Variants in GGA1 observed in about 807,000 individuals in gnomAD.
GGA1 encodes the protein ADP-ribosylation factor-binding protein GGA1.
GGA1 carries 18 observed loss-of-function variants against 76.9 expected under a neutral mutation model. That is an observed-to-expected ratio of 0.23 (90% CI 0.16 to 0.35). GGA1 has a LOEUF of 0.35. Ranked by LOEUF, GGA1 falls within the 10% of genes least tolerant of loss-of-function variation. The pLI, the probability that GGA1 is intolerant of heterozygous loss-of-function variation, is 1.00. For synonymous variants in GGA1, 342 were observed against 354.7 expected, an observed-to-expected ratio of 0.96 and a Z score of 0.40; for missense variants, 755 against 859.0, an observed-to-expected ratio of 0.88 and a Z score of 1.51.
At chr22:37,630,473 A>G (rs533601426) in intron 13 of GGA1, among the ~76,000 whole-genome samples, 1 of 152,304 alleles carries the variant, frequency 6.6e-6, no homozygotes, top group East Asian at 1.9e-4. Flanking sequence ...GAGGGAGAAC[A>G]CGAGCTGCTC....
chr22:37,625,924 G>A lies in GGA1; in HGVS notation c.1068G>A (p.Leu356=). The change falls in exon 11 of 17, where the codon CTG becomes CTA. Residue 356 remains leucine, a synonymous_variant. Coordinates refer to ENST00000343632, the MANE Select transcript of GGA1 (RefSeq NM_013365.5). This position sits in a 1 kb window ranked among gnomAD's most constrained non-coding sequence, Gnocchi z 4.1. ...SPEQPSASVS[L]LDDELMSLGL... is the part of the protein sequence containing the mutation. ...AGCAGCCCAGTGCCTCAGTTTCCCT[G>A]CTTGACGACGAGCTCATGTCTCTGG... The A allele has an allele frequency of 6.3e-7, 1 of 1,598,424 alleles. No individual in the cohort carries two copies. Among genetic ancestry groups the A allele is most frequent in the South Asian group, 1.1e-5 (1 of 90,114 alleles).
rs1405136246 is a variant in GGA1, at chr22:37,633,154, GCCT to G, written c.*449_*451del. ...ATGCTGGAGCTGGGGACCAGCTTAGGCCTCCTCCATAGGAACCCAGTGACTGGG... is the reference window on the plus strand; with the variant it reads ...ATGCTGGAGCTGGGGACCAGCTTAGGCCTCCATAGGAACCCAGTGACTGGG... On this transcript the variant is annotated 3_prime_UTR_variant, in exon 17 of 17. Coordinates refer to ENST00000343632, the MANE Select transcript of GGA1 (RefSeq NM_013365.5). The G allele has an allele frequency of 2.4e-5, 4 of 167,176 alleles. No homozygotes were observed. The highest frequency in any genetic ancestry group is 9.5e-5 in the African/African-American group (4 of 41,980). The allele number at this position is 167,176 out of a possible 1,614,324, so 10.4% of individuals were successfully genotyped here.
chr22:37,624,726 G>C lies in GGA1; in HGVS notation c.833-243G>C, dbSNP rs909306473. On this transcript the variant is annotated intron_variant, in intron 9 of 16. Transcript: ENST00000343632. The surrounding 1 kb of genome is among the most constrained non-coding windows in gnomAD (Gnocchi z 4.3). ...GAGCTGGAGTGGAGGCCTGGAGGCGGGAGCGGGCCCAGTGTGTTGAGACAG... is the reference window on the plus strand; with the variant it reads ...GAGCTGGAGTGGAGGCCTGGAGGCGCGAGCGGGCCCAGTGTGTTGAGACAG... The C allele has an allele frequency of 8.6e-6, 4 of 463,926 alleles. No individual in the cohort carries two copies. Among genetic ancestry groups the C allele is most frequent in the African/African-American group, 7.9e-5 (4 of 50,574 alleles). The allele number at this position is 463,926 out of a possible 1,614,324, so 28.7% of individuals were successfully genotyped here.
At chr22:37,612,071 G>A (rs1427553787) in intron 1 of GGA1, among the ~76,000 whole-genome samples, 3 of 152,054 alleles carry the variant, frequency 2.0e-5, no homozygotes, top group East Asian at 1.9e-4. Flanking sequence ...CAGGAGAATC[G>A]TTTGAACCCA....
rs899306590 is a variant in GGA1 at position 37,632,383 on chromosome 22, C to G, written c.1699-22C>G. The G allele has an allele frequency of 6.6e-7, 1 of 1,524,726 alleles. No individual in the cohort carries two copies. Among genetic ancestry groups the G allele is most frequent in the East Asian group, 2.2e-5 (1 of 44,520 alleles). 94.4% of individuals were successfully genotyped at this position (1,524,726 alleles called of 1,614,324 possible). ...GACAAGCAGCCAGGGCTAGCTGTGC[C>G]CATCCTGCCATCTGCCCACAGGTTA... On this transcript the variant is annotated intron_variant, in intron 15 of 16. Transcript: ENST00000343632. This position sits in a 1 kb window ranked among gnomAD's most constrained non-coding sequence, Gnocchi z 5.1.
At chr22:37,631,222 G>A in intron 14 of GGA1, 123 bp downstream of exon 14, 1 of 734,534 alleles carries the variant, frequency 1.4e-6, no homozygotes, top group Non-Finnish European at 2.1e-6. Flanking sequence ...CCAACCAGAG[G>A]GGAGCTCTGA....
chr22:37,614,733 C>A (rs1928422208), intron 2 of GGA1, among the ~76,000 whole-genome samples: 1 of 152,178 alleles, frequency 6.6e-6, no homozygotes, highest in Admixed American at 6.5e-5. Context: ...AATCCCAGCA[C>A]TTTGGAAGGC....
chr22:37,617,694 A>G (rs1929071565), intron 3 of GGA1: 2 of 642,454 alleles, frequency 3.1e-6, no homozygotes, highest in Non-Finnish European at 3.9e-6. Context: ...GTGAGACCCC[A>G]TCTCTAAATA....
At chr22:37,618,357 A>G in intron 3 of GGA1, 91 bp from the exon 4 acceptor site, 1 of 717,816 alleles carries the variant, frequency 1.4e-6, no homozygotes, top group Admixed American at 2.1e-5. Context: ...AAGCCCACCC[A>G]TGGGCTTCTG....
chr22:37,628,572 T>G (rs1041667676), intron 11 of GGA1, among the ~76,000 whole-genome samples: 1 of 152,154 alleles, frequency 6.6e-6, no homozygotes, highest in African/African-American at 2.4e-5. Context: ...CCCCTACCTT[T>G]GAAGGTTGTT....
rs982057344 is a variant in GGA1 at position 37,632,588 on chromosome 22, A to G, written c.1810-13A>G. 19 of 1,604,794 alleles carry G rather than the reference A, an allele frequency of 1.2e-5. No individual in the cohort carries two copies. Among genetic ancestry groups the G allele is most frequent in the Non-Finnish European group, 1.6e-5 (19 of 1,171,646 alleles). ...CTCCTCTGACCCCTCTGCCTTTGCC[A>G]TCTCTTCCCCAGGAGAAGGTTCGCC... On this transcript the variant is annotated splice_polypyrimidine_tract_variant and intron_variant, in intron 16 of 16. Transcript: ENST00000343632. The surrounding 1 kb of genome is among the most constrained non-coding windows in gnomAD (Gnocchi z 5.1).
chr22:37,629,493 A>G lies in GGA1; in HGVS notation c.1125A>G (p.Pro375=). 6.3e-7 allele frequency: 1 copy of G among 1,588,694 alleles called. No individual in the cohort carries two copies. Among genetic ancestry groups the G allele is most frequent in the Non-Finnish European group, 8.5e-7 (1 of 1,170,004 alleles). ...GTGACCCCACACCCCCTTCAGGCCCAAGCCTGGATGGTACCGGATGGAACA... is the reference window on the plus strand; with the variant it reads ...GTGACCCCACACCCCCTTCAGGCCCGAGCCTGGATGGTACCGGATGGAACA... ...GLSDPTPPSG[P]SLDGTGWNSF... The change falls in exon 12 of 17, where the codon CCA becomes CCG. Residue 375 remains proline (P), a synonymous_variant. Coordinates refer to ENST00000343632, the MANE Select transcript of GGA1 (RefSeq NM_013365.5).
rs2146003211 is a variant in GGA1 at position 37,630,954 on chromosome 22, G to A, written c.1383G>A (p.Lys461=). 1.9e-6 allele frequency: 3 copies of A among 1,613,452 alleles called. No homozygotes were observed. The highest frequency in any genetic ancestry group is 3.3e-4 in the Middle Eastern group (2 of 6,046). ...PRLTLRDLQN[K]SSSCSSPSSS... is the part of the protein sequence containing the mutation. ...TCACACTCCGGGACCTGCAGAATAA[G>A]AGCAGCAGCTGCAGCTCCCCCAGCT... Residue 461 remains lysine (K), a synonymous_variant, in exon 14 of 17, where the codon AAG becomes AAA. Coordinates refer to ENST00000343632, the MANE Select transcript of GGA1 (RefSeq NM_013365.5).
At chr22:37,628,974 G>A (rs998463975) in intron 11 of GGA1, among the ~76,000 whole-genome samples, 3 of 152,184 alleles carry the variant, frequency 2.0e-5, no homozygotes, top group African/African-American at 7.2e-5. Flanking sequence ...CTTCAGCGTC[G>A]CCTCCAGTCC....
In GGA1 at chr22:37,631,119, G is replaced by A. The variant is rs779022783; in HGVS notation, c.1528+20G>A. 5 of 1,522,124 alleles carry A rather than the reference G, an allele frequency of 3.3e-6. No homozygotes were observed. The highest frequency in any genetic ancestry group is 1.3e-5 in the South Asian group (1 of 79,400). 94.3% of individuals were successfully genotyped at this position (1,522,124 alleles called of 1,614,324 possible). A position where few individuals can be genotyped will look rare whatever the true frequency, so the allele number is the denominator to read the frequency against. On this transcript the variant is annotated intron_variant, in intron 14 of 16. Transcript: ENST00000343632. ...AACCCAGTGAGTAGGGCTGGGGCAGGTGCAGGCTGGGTTGGGTCAGCTTGC... is the reference window on the plus strand; with the variant it reads ...AACCCAGTGAGTAGGGCTGGGGCAGATGCAGGCTGGGTTGGGTCAGCTTGC...
intron 3 of GGA1, 107 bp from the exon 4 acceptor site, chr22:37,618,341 T>C: frequency 1.5e-6 from 1 of 659,108 alleles, no homozygotes; most frequent in East Asian, 2.7e-5. Context: ...ATTCCCTCCC[T>C]TCTGAAAGCC....
rs893144191 is a variant in GGA1 at position 37,633,085 on chromosome 22, G to A, written c.*374G>A. ...AGCTGGGGTGGGGTCTTCCCCACCT[G>A]TCTCTTATGCCTTATGGGAAGGCCC... On this transcript the variant is annotated 3_prime_UTR_variant, in exon 17 of 17. Coordinates refer to ENST00000343632, the MANE Select transcript of GGA1 (RefSeq NM_013365.5). 1.8e-5 allele frequency: 4 copies of A among 226,794 alleles called. No homozygotes were observed. Among genetic ancestry groups the A allele is most frequent in the Non-Finnish European group, 2.7e-5 (3 of 111,916 alleles). The allele number at this position is 226,794 out of a possible 1,614,324, so 14.0% of individuals were successfully genotyped here. A position where few individuals can be genotyped will look rare whatever the true frequency, so the allele number is the denominator to read the frequency against.
At chr22:37,611,644 C>T (rs976635955) in intron 1 of GGA1, among the ~76,000 whole-genome samples, 24 of 152,152 alleles carry the variant, frequency 1.6e-4, no homozygotes, top group Non-Finnish European at 7.3e-5. Flanking sequence ...CCAGGGCAGG[C>T]GCCACATGCT....
chr22:37,614,801 A>G (rs1928433138), intron 2 of GGA1, among the ~76,000 whole-genome samples: 1 of 152,112 alleles, frequency 6.6e-6, no homozygotes, highest in Admixed American at 6.6e-5. Flanking sequence ...CAACATGGTG[A>G]CACCCCGTCT....
Sources: allele counts gnomAD v4.1 joint callset (sites outside exome capture counted in the v4.1 genomes callset), GRCh38; gene constraint gnomAD v4.1.1; non-coding constraint Gnocchi (gnomAD v3.1); transcripts MANE v1.5; gene names NCBI Gene and HGNC (gene_info 2026-07-23, HGNC 2026-07-21).